The following ZNF804B variants were observed in gnomAD, a reference collection of about 807,000 sequenced individuals.
The protein encoded by ZNF804B is zinc finger 804B.
A neutral mutation model predicts 101.4 loss-of-function variants in ZNF804B; 80 were observed. The ratio of observed to expected loss-of-function variants is 0.79; its 90% CI spans 0.66 to 0.95. ZNF804B has a LOEUF of 0.95. ZNF804B is among the 40% of genes least tolerant of loss of function. The pLI is 0.00. For missense variants in ZNF804B, 1,673 were observed against 1,561.9 expected, an observed-to-expected ratio of 1.07 and a Z score of -1.20; for synonymous variants, 622 against 558.8, an observed-to-expected ratio of 1.11 and a Z score of -1.59.
Position 88,840,865 on chromosome 7 carries a change from A to G in ZNF804B, c.108+80781A>G, listed in dbSNP as rs578171635. 2.6e-5 allele frequency among the ~76,000 whole-genome samples: 4 copies of G among 152,324 alleles called. No individual in the cohort carries two copies. The South Asian group carries it at 6.2e-4, about 24-fold the overall frequency. Reference sequence around the variant, plus strand: ...ATAAACAAAATTGACTGACTATAAAATAAAATGACTTGAGATTATAATGCT... The same window carrying G: ...ATAAACAAAATTGACTGACTATAAAGTAAAATGACTTGAGATTATAATGCT... On this transcript the variant is annotated intron_variant, in intron 1 of 3. Coordinates refer to ENST00000333190, the MANE Select transcript of ZNF804B (RefSeq NM_181646.5).
rs371610678 is a variant in ZNF804B at position 88,963,721 on chromosome 7, G to T, written c.108+203637G>T. Among the ~76,000 whole-genome samples, 42 of 151,304 alleles carry T rather than the reference G, an allele frequency of 2.8e-4. 3 individuals are homozygous for T. Among genetic ancestry groups the T allele is most frequent in the African/African-American group, 9.7e-4 (40 of 41,408 alleles). ...ACTTTTTTTTACATCATAGAATCCT[G>T]TTAGGAGATTTAAAGGACAACCTAT... On this transcript the variant is annotated intron_variant, in intron 1 of 3. Coordinates refer to ENST00000333190, the MANE Select transcript of ZNF804B (RefSeq NM_181646.5).
chr7:89,299,449 C>A (rs1790444413), intron 2 of ZNF804B, among the ~76,000 whole-genome samples: 2 of 151,966 alleles, frequency 1.3e-5, no homozygotes, highest in Non-Finnish European at 2.9e-5. Context: ...AATGAAAATA[C>A]TTGCTTTTTT....
intron 1 of ZNF804B, among the ~76,000 whole-genome samples, chr7:89,048,736 A>G (rs1789153143): frequency 6.6e-6 from 1 of 151,920 alleles, no homozygotes; most frequent in Non-Finnish European, 1.5e-5. Flanking sequence ...TAAAAAACTC[A>G]TTTCAATTAA....
At chr7:89,266,966 T>TCAATTTAGATTCA (rs1789805518) in intron 2 of ZNF804B, among the ~76,000 whole-genome samples, 1 of 152,044 alleles carries the variant, frequency 6.6e-6, no homozygotes, top group Non-Finnish European at 1.5e-5. Flanking sequence ...ATTTTGTGAA[T>TCAATTTAGATTCA]CAATTTAGAT....
Position 89,133,189 on chromosome 7 carries a change from A to C in ZNF804B, c.109-84966A>C, listed in dbSNP as rs766188539. On this transcript the variant is annotated intron_variant, in intron 1 of 3. Coordinates refer to ENST00000333190, the MANE Select transcript of ZNF804B (RefSeq NM_181646.5). ...TTGGAATACTCTAGGAAGGGAGGTA[A>C]ATGAGCTTCTTGTCTATTGGCAGTG... is the stretch of plus-strand genomic sequence containing the variant. Among the ~76,000 whole-genome samples, 106 of 152,108 alleles carry C rather than the reference A, an allele frequency of 7.0e-4. 1 individual carries two copies. Among genetic ancestry groups the C allele is most frequent in the Middle Eastern group, 6.8e-3 (2 of 294 alleles).
chr7:89,186,441 A>G (rs1393423446), intron 1 of ZNF804B, among the ~76,000 whole-genome samples: 1 of 152,152 alleles, frequency 6.6e-6, no homozygotes, highest in African/African-American at 2.4e-5. Context: ...GATTTATATG[A>G]TAGTATTTTA....
chr7:89,004,387 G>A (rs754575395), intron 1 of ZNF804B, among the ~76,000 whole-genome samples: 6 of 151,752 alleles, frequency 4.0e-5, no homozygotes, highest in Non-Finnish European at 8.8e-5. Context: ...TAAAAATTAA[G>A]AGGATGCATA....
At chr7:89,198,212 C>T (rs993274551) in intron 1 of ZNF804B, among the ~76,000 whole-genome samples, 1 of 151,874 alleles carries the variant, frequency 6.6e-6, no homozygotes, top group Non-Finnish European at 1.5e-5. Flanking sequence ...ATGCTACTCA[C>T]ACATATGGAG....
At chr7:88,939,601 C>G (rs1019022067) in intron 1 of ZNF804B, among the ~76,000 whole-genome samples, 1 of 151,578 alleles carries the variant, frequency 6.6e-6, no homozygotes, top group African/African-American at 2.4e-5. Context: ...TGAATATAAA[C>G]AAATTCTCCC....
chr7:89,190,425 A>G (rs756588362), intron 1 of ZNF804B, among the ~76,000 whole-genome samples: 5 of 152,134 alleles, frequency 3.3e-5, no homozygotes, highest in Non-Finnish European at 5.9e-5. Flanking sequence ...AAATTTTAAC[A>G]GACAAGGAGT....
Position 89,207,796 on chromosome 7 carries a change from A to G in ZNF804B, c.109-10359A>G, listed in dbSNP as rs559376344. Among the ~76,000 whole-genome samples the G allele has an allele frequency of 3.3e-5, 5 of 152,328 alleles. No individual in the cohort carries two copies. In the South Asian group the frequency reaches 1.0e-3, roughly 32 times the overall value. ...ATTCGTTCTTTCAGTCACTACATTT[A>G]TTAATTCATGTATTCTTTAATAGAC... On this transcript the variant is annotated intron_variant, in intron 1 of 3. Coordinates refer to ENST00000333190, the MANE Select transcript of ZNF804B (RefSeq NM_181646.5).
intron 1 of ZNF804B, among the ~76,000 whole-genome samples, chr7:88,790,985 T>C (rs899326878): frequency 2.0e-5 from 3 of 152,118 alleles, no homozygotes; most frequent in Non-Finnish European, 2.9e-5. Flanking sequence ...AACTCATTTG[T>C]TACTGAAGAC....
At chr7:89,153,715 T>C (rs1206893212) in intron 1 of ZNF804B, among the ~76,000 whole-genome samples, 1 of 152,134 alleles carries the variant, frequency 6.6e-6, no homozygotes, top group Non-Finnish European at 1.5e-5. Flanking sequence ...GATTTTACTT[T>C]CTAGTTCTTT....
chr7:88,987,489 A>G (rs1793774497), intron 1 of ZNF804B, among the ~76,000 whole-genome samples: 1 of 152,106 alleles, frequency 6.6e-6, no homozygotes, highest in African/African-American at 2.4e-5. Flanking sequence ...TTATGAGAAC[A>G]TATTTCTTTT....
chr7:88,916,479 C>G (rs774613736), intron 1 of ZNF804B, among the ~76,000 whole-genome samples: 2 of 152,060 alleles, frequency 1.3e-5, no homozygotes, highest in African/African-American at 4.8e-5. Flanking sequence ...GCTAGTGAAC[C>G]GTTTAGCAGA....
At chr7:89,023,205 C>T (rs1359568912) in intron 1 of ZNF804B, among the ~76,000 whole-genome samples, 2 of 152,100 alleles carry the variant, frequency 1.3e-5, no homozygotes, top group Non-Finnish European at 2.9e-5. Context: ...ATGCAATTTC[C>T]AACAGTTAGC....
chr7:88,927,202 T>C (rs1440633096), intron 1 of ZNF804B, among the ~76,000 whole-genome samples: 1 of 152,130 alleles, frequency 6.6e-6, no homozygotes, highest in African/African-American at 2.4e-5. Context: ...ATTGAAAGCA[T>C]TGGAAGAGTG....
chr7:89,263,921 T>C (rs754199051), intron 2 of ZNF804B, among the ~76,000 whole-genome samples: 11 of 152,222 alleles, frequency 7.2e-5, no homozygotes, highest in Admixed American at 2.0e-4. Flanking sequence ...TTGTTTCAAT[T>C]AACCAAGTTT....
chr7:89,275,236 C>G (rs538175687), intron 2 of ZNF804B, among the ~76,000 whole-genome samples: 1 of 151,938 alleles, frequency 6.6e-6, no homozygotes, highest in Non-Finnish European at 1.5e-5. Context: ...CACATGAAAT[C>G]AGGAAAACAT....
Sources: allele counts gnomAD v4.1 joint callset (sites outside exome capture counted in the v4.1 genomes callset), GRCh38; gene constraint gnomAD v4.1.1; transcripts MANE v1.5; gene names NCBI Gene and HGNC (gene_info 2026-07-23, HGNC 2026-07-21).